The following RIMS2 variants were observed in gnomAD, a reference collection of about 807,000 sequenced individuals.
The protein encoded by RIMS2 is regulating synaptic membrane exocytosis 2.
A neutral mutation model predicts 174.4 loss-of-function variants in RIMS2; 59 were observed. The ratio of observed to expected loss-of-function variants is 0.34; its 90% CI spans 0.27 to 0.42. The LOEUF is 0.42. RIMS2 is among the 10% of genes least tolerant of loss of function. The probability of loss-of-function intolerance (pLI) is 1.00; values close to 1 mark genes in which losing one functional copy is unlikely to be tolerated. For missense variants in RIMS2, 1,620 were observed against 1,666.3 expected, an observed-to-expected ratio of 0.97 and a Z score of 0.48; for synonymous variants, 606 against 572.5, an observed-to-expected ratio of 1.06 and a Z score of -0.84.
intron 17 of RIMS2, among the ~76,000 whole-genome samples, chr8:104,009,194 T>C (rs2095680052): frequency 3.3e-5 from 5 of 151,894 alleles, no homozygotes; most frequent in African/African-American, 1.2e-4. Context: ...TTTTCTAGTA[T>C]ATTTTATCAT....
intron 19 of RIMS2, among the ~76,000 whole-genome samples, chr8:104,205,541 A>G (rs542265971): frequency 1.3e-5 from 2 of 152,064 alleles, no homozygotes; most frequent in South Asian, 4.2e-4. Context: ...CTACCTCCCT[A>G]TTCGTCATAA....
chr8:103,827,201 C>T (rs2098796529), intron 3 of RIMS2, among the ~76,000 whole-genome samples: 1 of 151,956 alleles, frequency 6.6e-6, no homozygotes, highest in Non-Finnish European at 1.5e-5. Flanking sequence ...GTGAAAATTT[C>T]CGTAAGTATT....
intron 19 of RIMS2, among the ~76,000 whole-genome samples, chr8:104,149,635 C>T (rs1157711571): frequency 1.3e-5 from 2 of 152,114 alleles, no homozygotes; most frequent in East Asian, 1.9e-4. Flanking sequence ...ACTTGACAAA[C>T]AAATGCATGT....
intron 3 of RIMS2, among the ~76,000 whole-genome samples, chr8:103,831,119 T>C (rs1455495068): frequency 6.6e-6 from 1 of 152,228 alleles, no homozygotes; most frequent in Non-Finnish European, 1.5e-5. Context: ...TATGTTTTCT[T>C]GATTAATTGA....
chr8:103,813,116 T>C (rs113286412), intron 3 of RIMS2, among the ~76,000 whole-genome samples: 1 of 152,328 alleles, frequency 6.6e-6, no homozygotes, highest in East Asian at 1.9e-4. Context: ...TGTTTAGTTA[T>C]ATGTTTATTT....
At chr8:104,020,511 A>G (rs1009049083) in intron 19 of RIMS2, among the ~76,000 whole-genome samples, 1 of 152,016 alleles carries the variant, frequency 6.6e-6, no homozygotes, top group African/African-American at 2.4e-5. Context: ...TTAGTCTTCA[A>G]AATACTTACC....
chr8:104,190,052 C>T (rs1176877862), intron 19 of RIMS2, among the ~76,000 whole-genome samples: 1 of 151,936 alleles, frequency 6.6e-6, no homozygotes, highest in Admixed American at 6.6e-5. Context: ...GTCTGTAATC[C>T]CAACACTTTG....
chr8:103,728,748 CTTTT>C (rs71575982), intron 2 of RIMS2, among the ~76,000 whole-genome samples: 2 of 92,680 alleles, frequency 2.2e-5, no homozygotes, highest in African/African-American at 4.8e-5. Context: ...TATGCTCCTT[CTTTT>C]TTTTTTTTTT....
intron 4 of RIMS2, among the ~76,000 whole-genome samples, chr8:103,901,491 A>G (rs2099327678): frequency 2.0e-5 from 3 of 152,120 alleles, no homozygotes; most frequent in Admixed American, 2.0e-4. Flanking sequence ...GTTTATGCCC[A>G]CTAGTTGCAG....
rs186324870 is a variant in RIMS2, at chr8:104,205,736, C to T, written c.3335-39180C>T. On this transcript the variant is annotated intron_variant, in intron 19 of 23. Coordinates refer to ENST00000504942, the Ensembl canonical transcript of RIMS2. ...GGTGATTATCAGGCACACTCATCAT[C>T]GAGAACTGCTTATTTATTTGAATTT... Among the ~76,000 whole-genome samples, 12 of 151,668 alleles carry T rather than the reference C, an allele frequency of 7.9e-5. No homozygotes were observed. In the East Asian group the frequency reaches 1.5e-3, roughly 20 times the overall value.
intron 1 of RIMS2, among the ~76,000 whole-genome samples, chr8:103,628,905 A>G (rs145354867): frequency 6.6e-6 from 1 of 152,238 alleles, no homozygotes; most frequent in African/African-American, 2.4e-5. Context: ...TCCCCTCCCC[A>G]TGGAGCACTG....
At chr8:103,842,232 A>G (rs1389491502) in intron 3 of RIMS2, among the ~76,000 whole-genome samples, 1 of 152,074 alleles carries the variant, frequency 6.6e-6, no homozygotes, top group Non-Finnish European at 1.5e-5. Flanking sequence ...CTTTTTGACT[A>G]TCTTCATCCA....
intron 1 of RIMS2, among the ~76,000 whole-genome samples, chr8:103,549,409 C>G (rs555977556): frequency 1.1e-4 from 17 of 152,230 alleles, no homozygotes; most frequent in Admixed American, 7.2e-4. Context: ...CCTTTATAGA[C>G]AAGCAAATGT....
At chr8:104,036,447 G>T (rs1020573936) in intron 19 of RIMS2, among the ~76,000 whole-genome samples, 2 of 151,050 alleles carry the variant, frequency 1.3e-5, no homozygotes, top group Non-Finnish European at 2.9e-5. Flanking sequence ...CACACCACCC[G>T]GTCTGGAAAT....
At chr8:103,979,246 G>A (rs937609581) in intron 16 of RIMS2, among the ~76,000 whole-genome samples, 1 of 152,140 alleles carries the variant, frequency 6.6e-6, no homozygotes, top group Non-Finnish European at 1.5e-5. Flanking sequence ...TCAAAAAATA[G>A]GGATGCTTCA....
At chr8:103,982,790 TATC>T (rs2094024188) in intron 16 of RIMS2, among the ~76,000 whole-genome samples, 1 of 152,184 alleles carries the variant, frequency 6.6e-6, no homozygotes, top group Non-Finnish European at 1.5e-5. Flanking sequence ...TCACAGCTAG[TATC>T]ATACTGAATG....
At chr8:103,594,701 G>T (rs1490112978) in intron 1 of RIMS2, among the ~76,000 whole-genome samples, 3 of 151,800 alleles carry the variant, frequency 2.0e-5, no homozygotes, top group African/African-American at 4.8e-5. Flanking sequence ...GATACTTATG[G>T]AAATACAGGA....
rs972162568 is a variant in RIMS2, at chr8:103,625,554, A to T, written c.177-71532A>T. On this transcript the variant is annotated intron_variant, in intron 1 of 23. Coordinates refer to ENST00000504942, the Ensembl canonical transcript of RIMS2. The stretch of plus-strand genomic sequence containing the variant: ...ATGTATTAATTTGTTTAGTCCTCAC[A>T]ACAACATATAAAGGGAGAATTATTT... 2.0e-5 allele frequency among the ~76,000 whole-genome samples: 3 copies of T among 152,276 alleles called. No homozygotes were observed. In the East Asian group the frequency reaches 5.8e-4, roughly 29 times the overall value.
intron 3 of RIMS2, among the ~76,000 whole-genome samples, chr8:103,827,760 G>T (rs546351754): frequency 1.3e-5 from 2 of 152,010 alleles, no homozygotes; most frequent in South Asian, 4.1e-4. Flanking sequence ...GCTTGAACCC[G>T]GGAGGCAGAG....
Sources: allele counts gnomAD v4.1 joint callset (sites outside exome capture counted in the v4.1 genomes callset), GRCh38; gene constraint gnomAD v4.1.1; transcripts MANE v1.5; gene names NCBI Gene and HGNC (gene_info 2026-07-23, HGNC 2026-07-21).